BAIAP2L2: variants seen among roughly 807,000 people sequenced by gnomAD.
BAIAP2L2 encodes the protein BAR/IMD domain-containing adapter protein 2-like 2.
BAIAP2L2 carries 65 observed loss-of-function variants against 60.4 expected under a neutral mutation model. That is an observed-to-expected ratio of 1.08 (90% CI 0.88 to 1.32). The LOEUF is 1.32. Among genes scored for constraint, BAIAP2L2 ranks in the 40% most tolerant of loss-of-function variants. The pLI is 0.00. For synonymous variants in BAIAP2L2, 344 were observed against 301.7 expected (o/e 1.14, Z -1.45); for missense variants, 836 against 741.2 (o/e 1.13, Z -1.48).
chr22:38,087,292 C>G, intron 10 of BAIAP2L2, 28 bp from the exon 11 acceptor site: 2 of 1,583,668 alleles, frequency 1.3e-6, no homozygotes, highest in Non-Finnish European at 1.7e-6. Context: ...AGGACAATGA[C>G]CAAAAGAAGC....
chr22:38,089,402 G>A (rs1356110366), intron 8 of BAIAP2L2, 120 bp downstream of exon 8: 5 of 620,468 alleles, frequency 8.1e-6, no homozygotes, highest in African/African-American at 3.8e-5. Context: ...GCAGGCCGGG[G>A]GATGCAGCGT....
intron 10 of BAIAP2L2, among the ~76,000 whole-genome samples, chr22:38,087,901 G>A (rs73886262): frequency 1.7e-4 from 6 of 36,148 alleles, no homozygotes; most frequent in African/African-American, 6.3e-4. Context: ...CCCCCCCCCC[G>A]CCATTTAAGG....
Position 38,093,838 on chromosome 22 carries a change from ACT to A in BAIAP2L2, c.612+3192_612+3193del, listed in dbSNP as rs1285172685. 4 of 448,704 alleles carry A rather than the reference ACT, an allele frequency of 8.9e-6. No homozygotes were observed. In the Admixed American group the frequency reaches 9.5e-5, roughly 11 times the overall value. The allele number at this position is 448,704 out of a possible 1,614,324, so 27.8% of individuals were successfully genotyped here. The stretch of plus-strand genomic sequence containing the variant: ...AGTTACCATATGGCCCCACAATTCT[ACT>A]CTTATATACCCAAGAGAGATGAAAA... On this transcript the variant is annotated intron_variant, in intron 7 of 13. Transcript: ENST00000381669.
chr22:38,087,491 G>A (rs2086130814), intron 10 of BAIAP2L2, among the ~76,000 whole-genome samples: 1 of 152,090 alleles, frequency 6.6e-6, no homozygotes, highest in African/African-American at 2.4e-5. Flanking sequence ...ATGGAACGAT[G>A]GTCCCAGAAC....
Position 38,107,853 on chromosome 22 carries a change from A to G in BAIAP2L2, c.275T>C (p.Val92Ala). The change falls in exon 4 of 14, where the codon GTG becomes GCG. Residue 92 changes from valine (V) to alanine (A), a missense_variant and splice_region_variant. Val to Ala is a moderately conservative substitution (Grantham distance 64, BLOSUM62 0). Transcript: ENST00000381669. The part of the protein sequence containing the change: ...QRHLNSDLEV[V>A]VQTFHGGLLQ... ...CAGGCCCTGGGGCCTGATACTCACC[A>G]CCACCTCCAGGTCAGAGTTCAAGTG... 1 of 1,613,246 alleles carries G rather than the reference A, an allele frequency of 6.2e-7. No homozygotes were observed. The highest frequency in any genetic ancestry group is 8.5e-7 in the Non-Finnish European group (1 of 1,179,820).
intron 4 of BAIAP2L2, among the ~76,000 whole-genome samples, chr22:38,103,755 T>C (rs2086609676): frequency 6.6e-6 from 1 of 150,838 alleles, no homozygotes; most frequent in Non-Finnish European, 1.5e-5. Flanking sequence ...CCCAGCTACA[T>C]GGGAGGCTGA....
In BAIAP2L2 at chr22:38,097,135, G is replaced by C. The variant is rs1289350731; in HGVS notation, c.509C>G (p.Ser170Cys). Residue 170 changes from serine to cysteine, a missense_variant, in exon 7 of 14, where the codon TCT becomes TGT. Ser to Cys is a moderately radical substitution (Grantham distance 112, BLOSUM62 -1). Coordinates refer to ENST00000381669, the MANE Select transcript of BAIAP2L2 (RefSeq NM_025045.6). ...CAATTCAGCCGCCCGCTGACTCTCA[G>C]ACACGAAGGCCTGCATCTGTGCGTG... is the stretch of plus-strand genomic sequence containing the variant. The part of the protein sequence containing the change: ...RLHAQMQAFV[S>C]ESQRAAELEE... 1 of 1,613,962 alleles carries C rather than the reference G, an allele frequency of 6.2e-7. No individual in the cohort carries two copies. Among genetic ancestry groups the C allele is most frequent in the Admixed American group, 1.7e-5 (1 of 60,032 alleles).
At chr22:38,110,400 G>T in intron 1 of BAIAP2L2, 75 bp downstream of exon 1, 1 of 1,461,368 alleles carries the variant, frequency 6.8e-7, no homozygotes, top group Non-Finnish European at 9.5e-7. Flanking sequence ...CTGGCCCTCC[G>T]TCCTCCAGAG....
At chr22:38,087,659 AC>A (rs1243167847) in intron 10 of BAIAP2L2, among the ~76,000 whole-genome samples, 3 of 148,830 alleles carry the variant, frequency 2.0e-5, no homozygotes, top group Non-Finnish European at 3.0e-5. Context: ...CTCCCCACTG[AC>A]CCCCTTCCGT....
intron 7 of BAIAP2L2, chr22:38,091,578 A>C (rs796330924): frequency 3.0e-4 from 46 of 152,356 alleles, no homozygotes; most frequent in African/African-American, 1.1e-3. Context: ...ACGGTTTCAA[A>C]ACCATCAGAG....
rs981198399 is a variant in BAIAP2L2 at position 38,098,337 on chromosome 22, G to A, written c.348+74C>T. The A allele has an allele frequency of 4.0e-6, 6 of 1,503,962 alleles. No homozygotes were observed. The African/African-American group carries it at 8.3e-5, about 21-fold the overall frequency. 93.2% of individuals were successfully genotyped at this position (1,503,962 alleles called of 1,614,324 possible). ...GTCAGTGCTCAGCACTGGCCTGTGT[G>A]TGCCTACCTGTCAAATGGGAGAGGG... On this transcript the variant is annotated intron_variant, in intron 5 of 13. Coordinates refer to ENST00000381669, the MANE Select transcript of BAIAP2L2 (RefSeq NM_025045.6).
intron 7 of BAIAP2L2, among the ~76,000 whole-genome samples, chr22:38,094,491 A>G (rs1184129931): frequency 6.6e-6 from 1 of 152,098 alleles, no homozygotes; most frequent in Non-Finnish European, 1.5e-5. Flanking sequence ...TGGCCGAGGT[A>G]CTGGGTTACT....
At chr22:38,109,312 G>T in intron 1 of BAIAP2L2, 104 bp from the exon 2 acceptor site, 1 of 894,348 alleles carries the variant, frequency 1.1e-6, no homozygotes, top group Non-Finnish European at 1.8e-6. Flanking sequence ...GGCACCCCCA[G>T]CCCAGTGAGA....
chr22:38,107,929 C>T lies in BAIAP2L2; in HGVS notation c.215-16G>A, dbSNP rs2145635627. 6.2e-7 allele frequency: 1 copy of T among 1,612,990 alleles called. No individual in the cohort carries two copies. The highest frequency in any genetic ancestry group is 1.3e-5 in the African/African-American group (1 of 75,062). On this transcript the variant is annotated splice_polypyrimidine_tract_variant and intron_variant, in intron 3 of 13. Coordinates refer to ENST00000381669, the MANE Select transcript of BAIAP2L2 (RefSeq NM_025045.6). ...AAGATCTCCCCTGGAGGCATGGATG[C>T]AGCTGTGGCTTTGGTGTGTGGCAGC...
intron 7 of BAIAP2L2, among the ~76,000 whole-genome samples, chr22:38,093,536 A>G (rs2086357281): frequency 6.6e-6 from 1 of 152,236 alleles, no homozygotes; most frequent in Non-Finnish European, 1.5e-5. Flanking sequence ...ACAGGCAAAA[A>G]GGAGTTTAAC....
chr22:38,104,597 G>A (rs1192922694), intron 4 of BAIAP2L2, among the ~76,000 whole-genome samples: 3 of 150,488 alleles, frequency 2.0e-5, no homozygotes, highest in South Asian at 2.1e-4. Context: ...CCGGGTTCAC[G>A]CCATTCTCCT....
intron 2 of BAIAP2L2, among the ~76,000 whole-genome samples, chr22:38,108,647 A>G (rs2086720573): frequency 6.6e-6 from 1 of 152,010 alleles, no homozygotes; most frequent in African/African-American, 2.4e-5. Context: ...GCCACAGCGG[A>G]CGGGTACAAG....
At position 38,087,148 on chromosome 22, in the gene BAIAP2L2, T is replaced by TTCATGAGTG; in HGVS notation, c.1234_1235insCACTCATGA (p.Met411_Asn412insThrLeuMet). 1 of 1,591,928 alleles carries TTCATGAGTG rather than the reference T, an allele frequency of 6.3e-7. No individual in the cohort carries two copies. Among genetic ancestry groups the TTCATGAGTG allele is most frequent in the Non-Finnish European group, 8.5e-7 (1 of 1,170,880 alleles). On this transcript the variant is annotated inframe_insertion, in exon 11 of 14. Coordinates refer to ENST00000381669, the MANE Select transcript of BAIAP2L2 (RefSeq NM_025045.6). ...CCTGGAAGGCAGCTCGTTCCCGGGGTTCATGGGTGTCATGGGGGACATGGA... is the reference window on the plus strand; with the variant it reads ...CCTGGAAGGCAGCTCGTTCCCGGGGTTCATGAGTGTCATGGGTGTCATGGGGGACATGGA...
intron 7 of BAIAP2L2, among the ~76,000 whole-genome samples, chr22:38,096,658 A>AAAAT (rs576003341): frequency 3.3e-5 from 5 of 152,210 alleles, no homozygotes; most frequent in African/African-American, 1.2e-4. Flanking sequence ...TCTGTCTCAA[A>AAAAT]AAATAAATAA....
Sources: gnomAD v4.1 joint callset for allele counts (sites outside exome capture counted in the v4.1 genomes callset) on GRCh38, gnomAD v4.1.1 for gene constraint, MANE v1.5 for transcripts, NCBI Gene and HGNC (gene_info 2026-07-23, HGNC 2026-07-21) for gene names.